CREB1: variants seen among roughly 807,000 people sequenced by gnomAD.
CREB1 encodes cyclic AMP-responsive element-binding protein 1.
In CREB1, 2 loss-of-function variants were observed where a neutral mutation model predicts 42.0. The observed-to-expected ratio is 0.05, with a 90% CI of 0.02 to 0.15. CREB1 has a LOEUF of 0.15. Among genes scored for constraint, CREB1 ranks in the 10% least tolerant of loss-of-function variants. CREB1 has a pLI of 1.00. For synonymous variants in CREB1, 123 were observed against 139.9 expected, an observed-to-expected ratio of 0.88 and a Z score of 0.85; for missense variants, 199 against 388.9, an observed-to-expected ratio of 0.51 and a Z score of 4.11.
At chr2:207,540,357 G>C (rs2081045001) in intron 1 of CREB1, among the ~76,000 whole-genome samples, 1 of 151,856 alleles carries the variant, frequency 6.6e-6, no homozygotes, top group South Asian at 2.1e-4. Flanking sequence ...ATTTTAAAAA[G>C]TGGCCGGGAA....
chr2:207,566,894 G>C lies in CREB1; in HGVS notation c.262-569G>C, dbSNP rs1327515394. On this transcript the variant is annotated intron_variant, in intron 3 of 7. Coordinates refer to ENST00000353267, the MANE Select transcript of CREB1 (RefSeq NM_004379.5). Reference sequence around the variant, plus strand: ...CTTTTCAGTCTAGGTATTCTTATCAGAAAAGCATAGTTCTTTACCTTGAAT... The same window carrying C: ...CTTTTCAGTCTAGGTATTCTTATCACAAAAGCATAGTTCTTTACCTTGAAT... 2.0e-5 allele frequency among the ~76,000 whole-genome samples: 3 copies of C among 152,008 alleles called. No individual in the cohort carries two copies. The East Asian group carries it at 5.8e-4, about 29-fold the overall frequency.
Position 207,602,029 on chromosome 2 carries a change from G to C in CREB1, c.*4971G>C, listed in dbSNP as rs2106636877. The C allele has an allele frequency of 4.9e-6, 1 of 205,596 alleles. No homozygotes were observed. The highest frequency in any genetic ancestry group is 9.9e-6 in the Non-Finnish European group (1 of 100,640). The allele number at this position is 205,596 out of a possible 1,614,324, so 12.7% of individuals were successfully genotyped here. A position where few individuals can be genotyped will look rare whatever the true frequency, so the allele number is the denominator to read the frequency against. ...CTGAACATATCATGAAGCTGAGTCA[G>C]TATGGAAAATTTTCAAATAAACAGG... On this transcript the variant is annotated 3_prime_UTR_variant, in exon 8 of 8. Coordinates refer to ENST00000353267, the MANE Select transcript of CREB1 (RefSeq NM_004379.5).
At chr2:207,560,442 T>C in intron 3 of CREB1, 70 bp downstream of exon 3, 1 of 1,462,978 alleles carries the variant, frequency 6.8e-7, no homozygotes, top group Middle Eastern at 1.8e-4. Context: ...CTCCTTTCAC[T>C]AGTTATGAAA....
chr2:207,548,785 T>C (rs977783637), intron 1 of CREB1, among the ~76,000 whole-genome samples: 2 of 151,938 alleles, frequency 1.3e-5, no homozygotes, highest in Non-Finnish European at 2.9e-5. Flanking sequence ...AAAAGATTCC[T>C]TTTTGCTATT....
intron 1 of CREB1, among the ~76,000 whole-genome samples, chr2:207,533,794 C>T (rs1327545003): frequency 1.3e-5 from 2 of 152,036 alleles, no homozygotes; most frequent in South Asian, 4.1e-4. Context: ...ATTTATTTGG[C>T]ACTCACTGTG....
chr2:207,592,467 G>A (rs553848856), intron 7 of CREB1, among the ~76,000 whole-genome samples: 23 of 151,944 alleles, frequency 1.5e-4, no homozygotes, highest in South Asian at 2.1e-4. Flanking sequence ...CAAGAAATCT[G>A]TGTGTATATA....
chr2:207,596,514 G>A (rs2086197131), intron 7 of CREB1, among the ~76,000 whole-genome samples: 1 of 152,004 alleles, frequency 6.6e-6, no homozygotes, highest in Non-Finnish European at 1.5e-5. Flanking sequence ...GCTTACTGCA[G>A]CCTCTGCCTC....
intron 1 of CREB1, among the ~76,000 whole-genome samples, chr2:207,543,943 G>A (rs540013414): frequency 2.7e-5 from 4 of 149,072 alleles, no homozygotes; most frequent in Admixed American, 6.7e-5. Flanking sequence ...TTTTTGAGAC[G>A]AGGTCTCGCT....
At chr2:207,530,784 C>CT (rs1316007843) in intron 1 of CREB1, among the ~76,000 whole-genome samples, 4 of 151,836 alleles carry the variant, frequency 2.6e-5, no homozygotes, top group Non-Finnish European at 5.9e-5. Flanking sequence ...CTGACCTACT[C>CT]TTCTCTCCAC....
chr2:207,575,277 A>G lies in CREB1; in HGVS notation c.511A>G (p.Ile171Val). 6.2e-7 allele frequency: 1 copy of G among 1,613,060 alleles called. No individual in the cohort carries two copies. Among genetic ancestry groups the G allele is most frequent in the Non-Finnish European group, 8.5e-7 (1 of 1,179,296 alleles). ...YQTSSGQYIA[I>V]TQGGAIQLAN... is the part of the protein sequence containing the mutation. ...TAAAATCCATTGGCTTTTAGTTGCC[A>G]TTACCCAGGGAGGAGCAATACAGCT... Residue 171 changes from isoleucine to valine, a missense_variant, in exon 6 of 8, where the codon ATT (isoleucine) becomes GTT (valine). Physicochemically the swap from Ile to Val is conservative, Grantham distance 29. Around this residue, in one of 4 missense-constraint regions of CREB1, gnomAD observed 66 missense variants for 150.8 expected, o/e 0.44. Transcript: ENST00000353267.
intron 2 of CREB1, among the ~76,000 whole-genome samples, chr2:207,556,294 T>G (rs2081718382): frequency 6.6e-6 from 1 of 152,212 alleles, no homozygotes; most frequent in African/African-American, 2.4e-5. Flanking sequence ...ATATTTTCTC[T>G]CATTCTTATG....
chr2:207,539,144 G>A (rs1451971411), intron 1 of CREB1, among the ~76,000 whole-genome samples: 6 of 150,452 alleles, frequency 4.0e-5, no homozygotes, highest in Admixed American at 2.0e-4. Flanking sequence ...GGGTTCCAGC[G>A]ATTCTGCTGC....
At chr2:207,532,669 CAA>C (rs112234348) in intron 1 of CREB1, among the ~76,000 whole-genome samples, 3 of 140,946 alleles carry the variant, frequency 2.1e-5, no homozygotes, top group African/African-American at 2.6e-5. Context: ...GACCCCATCT[CAA>C]AAAAAAAAAA....
At chr2:207,557,021 C>G (rs565041853) in intron 2 of CREB1, among the ~76,000 whole-genome samples, 1 of 152,234 alleles carries the variant, frequency 6.6e-6, no homozygotes, top group African/African-American at 2.4e-5. Flanking sequence ...CCTGTAAATC[C>G]AGCGACCTTA....
chr2:207,576,241 C>CTTTTTTTTTTTTTTTTTTTTTGTTTT (rs35735523), intron 6 of CREB1, among the ~76,000 whole-genome samples: 1 of 101,068 alleles, frequency 9.9e-6, no homozygotes, highest in African/African-American at 3.8e-5. Flanking sequence ...CTTTTTTTGG[C>CTTTTTTTTTTTTTTTTTTTTTGTTTT]TTTTTTTTTT....
intron 1 of CREB1, among the ~76,000 whole-genome samples, chr2:207,551,701 C>G (rs978678930): frequency 6.6e-6 from 1 of 151,932 alleles, no homozygotes; most frequent in African/African-American, 2.4e-5. Flanking sequence ...TATTACGTGG[C>G]CATGTAATTA....
intron 7 of CREB1, among the ~76,000 whole-genome samples, chr2:207,590,551 A>G (rs2084831182): frequency 1.3e-5 from 2 of 151,670 alleles, no homozygotes; most frequent in African/African-American, 4.8e-5. Flanking sequence ...ATTTTTTCCT[A>G]TTAATATATA....
At chr2:207,577,037 A>G (rs2082625304) in intron 6 of CREB1, 2 of 940,582 alleles carry the variant, frequency 2.1e-6, no homozygotes, top group Admixed American at 6.0e-5. Flanking sequence ...ATAATAGTTG[A>G]CCATAATGCT....
At chr2:207,594,721 T>C (rs765714100) in intron 7 of CREB1, among the ~76,000 whole-genome samples, 4 of 152,200 alleles carry the variant, frequency 2.6e-5, no homozygotes, top group Non-Finnish European at 5.9e-5. Context: ...TTCAGTTCTT[T>C]TGGATCTGTA....
Sources: gnomAD v4.1 joint callset for allele counts (sites outside exome capture counted in the v4.1 genomes callset) on GRCh38, gnomAD v4.1.1 for gene constraint, gnomAD v4.1.1 regional missense constraint, MANE v1.5 for transcripts, NCBI Gene and HGNC (gene_info 2026-07-23, HGNC 2026-07-21) for gene names.